UNC13C: variants seen among roughly 807,000 people sequenced by gnomAD.
The protein encoded by UNC13C is unc-13 homolog C.
UNC13C carries 174 observed loss-of-function variants against 245.4 expected under a neutral mutation model. The observed-to-expected ratio is 0.71, with a 90% CI of 0.63 to 0.80. The LOEUF (loss-of-function observed/expected upper bound fraction) is 0.80, where lower values mean the gene tolerates loss of function less well. Ranked by LOEUF, UNC13C falls within the 30% of genes least tolerant of loss-of-function variation. The pLI, the probability that UNC13C is intolerant of heterozygous loss-of-function variation, is 0.00. For missense variants in UNC13C, 2,829 were observed against 2,602.9 expected (o/e 1.09, Z -1.89); for synonymous variants, 992 against 895.1 (o/e 1.11, Z -1.93).
chr15:54,048,262 TG>T (rs1411003355), intron 2 of UNC13C, among the ~76,000 whole-genome samples: 2 of 152,212 alleles, frequency 1.3e-5, no homozygotes, highest in African/African-American at 4.8e-5. Flanking sequence ...ATTTTGGCTT[TG>T]ATTTTTCTCT....
chr15:54,391,658 A>T (rs2039958778), intron 17 of UNC13C, among the ~76,000 whole-genome samples: 1 of 151,240 alleles, frequency 6.6e-6, no homozygotes, highest in African/African-American at 2.4e-5. Flanking sequence ...TCAGCCACTA[A>T]TTTTTTTTTA....
At chr15:54,464,327 T>C (rs991141762) in intron 19 of UNC13C, among the ~76,000 whole-genome samples, 6 of 152,174 alleles carry the variant, frequency 3.9e-5, no homozygotes, top group African/African-American at 1.4e-4. Context: ...TATTAGCTAT[T>C]TAAAATAAAT....
In UNC13C at chr15:54,013,681, C is replaced by T. The variant is rs781043798; in HGVS notation, c.778C>T (p.Leu260Phe). 3 of 1,613,654 alleles carry T rather than the reference C, an allele frequency of 1.9e-6. No homozygotes were observed. In the African/African-American group the frequency reaches 4.0e-5, roughly 22 times the overall value. ...LQGISQIETE[L>F]SELRGHVNAL... is the part of the protein sequence containing the mutation. ...GGGAATAAGTCAGATTGAAACAGAA[C>T]TTTCTGAACTACGAGGGCACGTCAA... Residue 260 changes from leucine (L) to phenylalanine (F), a missense_variant, in exon 2 of 33, where the codon CTT (leucine) becomes TTT (phenylalanine). Physicochemically the swap from Leu to Phe is conservative, Grantham distance 22. Coordinates refer to ENST00000260323, the MANE Select transcript of UNC13C (RefSeq NM_001080534.3).
intron 27 of UNC13C, among the ~76,000 whole-genome samples, chr15:54,548,732 G>T (rs928881289): frequency 4.6e-5 from 7 of 152,154 alleles, no homozygotes; most frequent in Non-Finnish European, 2.9e-5. Context: ...TTCATTTTCT[G>T]TATAAGGTTT....
At chr15:53,908,110 C>T in the UNC13C span, among the ~76,000 whole-genome samples, 12 of 146,626 alleles carry the variant, frequency 8.2e-5, no homozygotes, top group East Asian at 1.2e-3. Flanking sequence ...TAAATGTCAA[C>T]GTAAGAGGAG....
intron 30 of UNC13C, among the ~76,000 whole-genome samples, chr15:54,614,047 G>A (rs944038204): frequency 6.6e-6 from 1 of 152,018 alleles, no homozygotes; most frequent in African/African-American, 2.4e-5. Flanking sequence ...ACTTGGTGGA[G>A]AGAGGTTGCT....
intron 30 of UNC13C, among the ~76,000 whole-genome samples, chr15:54,601,324 A>G (rs1411944583): frequency 6.6e-6 from 1 of 152,184 alleles, no homozygotes; most frequent in African/African-American, 2.4e-5. Context: ...TCCTGGTGCA[A>G]GAGGCCACAA....
chr15:54,348,776 A>G (rs1483040033), intron 17 of UNC13C, among the ~76,000 whole-genome samples: 1 of 152,168 alleles, frequency 6.6e-6, no homozygotes, highest in Admixed American at 6.5e-5. Flanking sequence ...TTCAGCAATG[A>G]AAGAAAAGTT....
intron 2 of UNC13C, among the ~76,000 whole-genome samples, chr15:54,075,433 G>T (rs571083993): frequency 8.4e-6 from 1 of 118,366 alleles, no homozygotes; most frequent in Non-Finnish European, 2.1e-5. Context: ...GCAGTGAGCC[G>T]GAGCTTGCAG....
intron 2 of UNC13C, among the ~76,000 whole-genome samples, chr15:54,125,537 C>T (rs1482390602): frequency 6.6e-6 from 1 of 152,102 alleles, no homozygotes; most frequent in Non-Finnish European, 1.5e-5. Flanking sequence ...TGGGGATTAT[C>T]TGTATCTTGC....
Position 54,013,955 on chromosome 15 carries a change from C to A in UNC13C, c.1052C>A (p.Ala351Glu). 6.2e-7 allele frequency: 1 copy of A among 1,613,652 alleles called. No homozygotes were observed. The highest frequency in any genetic ancestry group is 8.5e-7 in the Non-Finnish European group (1 of 1,179,794). The change falls in exon 2 of 33, where the codon GCA becomes GAA. Residue 351 changes from alanine (A) to glutamate (E), a missense_variant. Ala to Glu is a moderately radical substitution (Grantham distance 107). Coordinates refer to ENST00000260323, the MANE Select transcript of UNC13C (RefSeq NM_001080534.3). ...ATAGATAAAATGGGTTTTTCAGATG[C>A]ACCAAATGCTATTAAAATTGAATTT... is the stretch of plus-strand genomic sequence containing the variant. ...ILIDKMGFSD[A>E]PNAIKIEFAQ...
intron 19 of UNC13C, among the ~76,000 whole-genome samples, chr15:54,447,415 G>A (rs1441479236): frequency 6.6e-6 from 1 of 152,080 alleles, no homozygotes; most frequent in Non-Finnish European, 1.5e-5. Context: ...AATTTTTTTG[G>A]TTGGTAGGCT....
intron 30 of UNC13C, among the ~76,000 whole-genome samples, chr15:54,596,658 G>A (rs1434320873): frequency 2.6e-5 from 4 of 152,196 alleles, no homozygotes; most frequent in Non-Finnish European, 4.4e-5. Flanking sequence ...CAGTGTTGGA[G>A]GTGGGATCTA....
At chr15:54,568,069 A>G in intron 30 of UNC13C, 122 bp downstream of exon 30, 1 of 655,462 alleles carries the variant, frequency 1.5e-6, no homozygotes, top group South Asian at 5.6e-5. Context: ...ATCATTAAAA[A>G]TGGAGAGTTA....
At chr15:54,210,139 C>A (rs2034834252) in intron 4 of UNC13C, among the ~76,000 whole-genome samples, 1 of 150,048 alleles carries the variant, frequency 6.7e-6, no homozygotes, top group African/African-American at 2.4e-5. Flanking sequence ...TGCTACCTGA[C>A]ATATAGTTGT....
chr15:54,162,106 T>C (rs115870648), intron 4 of UNC13C, among the ~76,000 whole-genome samples: 1,553 of 152,324 alleles, frequency 0.01, 23 homozygotes, highest in African/African-American at 0.037. Flanking sequence ...AGTCATATTG[T>C]TGTTACTCAT....
At chr15:54,145,239 T>A (rs1475656129) in intron 4 of UNC13C, among the ~76,000 whole-genome samples, 1 of 152,116 alleles carries the variant, frequency 6.6e-6, no homozygotes. Context: ...AGTTTCACAG[T>A]TCTGTTTTGT....
chr15:54,472,801 C>A (rs1428926838), intron 19 of UNC13C, among the ~76,000 whole-genome samples: 2 of 151,774 alleles, frequency 1.3e-5, no homozygotes, highest in Non-Finnish European at 2.9e-5. Flanking sequence ...ATTTGCTTTT[C>A]CTTTGCTGCT....
chr15:54,532,832 C>G (rs1178071067), intron 25 of UNC13C, 85 bp from the exon 26 acceptor site: 4 of 925,672 alleles, frequency 4.3e-6, no homozygotes, highest in South Asian at 3.7e-5. Context: ...CCAGTTGAAA[C>G]AGATCAAAAT....
Sources: gnomAD v4.1 joint callset for allele counts (sites outside exome capture counted in the v4.1 genomes callset) on GRCh38, gnomAD v4.1.1 for gene constraint, MANE v1.5 for transcripts, NCBI Gene and HGNC (gene_info 2026-07-23, HGNC 2026-07-21) for gene names.